The following RELN variants were observed in gnomAD, a reference collection of about 807,000 sequenced individuals.
RELN encodes reelin.
In RELN, 108 loss-of-function variants were observed where a neutral mutation model predicts 427.6. That is an observed-to-expected ratio of 0.25 (90% CI 0.22 to 0.30). RELN has a LOEUF of 0.30. RELN is among the 10% of genes least tolerant of loss of function. The pLI, the probability that RELN is intolerant of heterozygous loss-of-function variation, is 1.00. For synonymous variants in RELN, 1,524 were observed against 1,513.4 expected, an observed-to-expected ratio of 1.01 and a Z score of -0.16; for missense variants, 3,715 against 4,302.8, an observed-to-expected ratio of 0.86 and a Z score of 3.82.
chr7:103,474,856 G>T (rs1827978770), intron 64 of RELN, among the ~76,000 whole-genome samples: 3 of 149,830 alleles, frequency 2.0e-5, no homozygotes, highest in Non-Finnish European at 4.4e-5. Flanking sequence ...TACTAAGAAA[G>T]TATAACTGAA....
intron 31 of RELN, among the ~76,000 whole-genome samples, chr7:103,567,803 A>G (rs188696899): frequency 1.7e-4 from 25 of 149,956 alleles, no homozygotes; most frequent in Non-Finnish European, 2.8e-4. Context: ...ATATATATAT[A>G]TATTTTAATT....
Position 103,610,762 on chromosome 7 carries a change from T to G in RELN, c.2941A>C (p.Ser981Arg), listed in dbSNP as rs765275144. Residue 981 changes from serine (S) to arginine (R), a missense_variant, in exon 22 of 65, where the codon AGT (serine) becomes CGT (arginine). Coordinates refer to ENST00000428762, the MANE Select transcript of RELN (RefSeq NM_005045.4). ...GTAAACTCACTGGCATGGTAAATAC[T>G]TGCTGATGTAAATTCCTGACAACTT... ...MPSCQEFTSASIYHASEFTQW... is the reference protein window; with the variant it reads ...MPSCQEFTSARIYHASEFTQW... 6.2e-7 allele frequency: 1 copy of G among 1,612,534 alleles called. No homozygotes were observed. Among genetic ancestry groups the G allele is most frequent in the Non-Finnish European group, 8.5e-7 (1 of 1,178,704 alleles).
At position 103,723,145 on chromosome 7, in the gene RELN, GA is replaced by G; in HGVS notation, c.799del (p.Ser267ProfsTer31). ...AACTGCTAAAAAACACTTACCAATG[GA>G]AAATTGGAGGACAGAAGCTGTTGTT... The part of the protein sequence containing the change: ...NTTTASVLQF[S>X]IGSGSCRFSY... On this transcript the variant is annotated frameshift_variant, in exon 8 of 65. Coordinates refer to ENST00000428762, the MANE Select transcript of RELN (RefSeq NM_005045.4). LOFTEE classifies it high-confidence loss of function. The G allele has an allele frequency of 1.3e-6, 2 of 1,592,832 alleles. No individual in the cohort carries two copies. Among genetic ancestry groups the G allele is most frequent in the Non-Finnish European group, 1.7e-6 (2 of 1,161,060 alleles).
In RELN at chr7:103,494,510, G is replaced by A. The variant is rs115782842; in HGVS notation, c.9369+1213C>T. 5.6e-3 allele frequency among the ~76,000 whole-genome samples: 847 copies of A among 150,348 alleles called. 10 individuals are homozygous for A. The highest frequency in any genetic ancestry group is 0.017 in the African/African-American group (677 of 40,702). On this transcript the variant is annotated intron_variant, in intron 57 of 64. Coordinates refer to ENST00000428762, the MANE Select transcript of RELN (RefSeq NM_005045.4). The stretch of plus-strand genomic sequence containing the variant: ...GTGCCTCAGCTTCCTGAGCAGCTAG[G>A]ACTACAAGTACATGCCACCACGCCC...
rs1229042956 is a variant in RELN, at chr7:103,569,507, A to G, written c.4588+2677T>C. Among the ~76,000 whole-genome samples, 1 of 152,214 alleles carries G rather than the reference A, an allele frequency of 6.6e-6. No individual in the cohort carries two copies. The highest frequency in any genetic ancestry group is 1.5e-5 in the Non-Finnish European group (1 of 68,040). On this transcript the variant is annotated intron_variant, in intron 31 of 64. Coordinates refer to ENST00000428762, the MANE Select transcript of RELN (RefSeq NM_005045.4). This position sits in a 1 kb window ranked among gnomAD's most constrained non-coding sequence, Gnocchi z 4.0. ...TGTAGCATACCACTCCAATCCTACT[A>G]AATCTAAATTTGCATTTTAACAAGG...
chr7:103,667,900 G>A (rs1390495232), intron 11 of RELN, among the ~76,000 whole-genome samples: 1 of 152,110 alleles, frequency 6.6e-6, no homozygotes, highest in Non-Finnish European at 1.5e-5. Context: ...CACACATTTG[G>A]CAACAGATAT....
intron 50 of RELN, chr7:103,513,185 A>G (rs1195457151): frequency 6.6e-6 from 1 of 152,214 alleles, no homozygotes; most frequent in Non-Finnish European, 1.5e-5. Context: ...TCCTGATGAA[A>G]GAGGGCTTGC....
intron 22 of RELN, among the ~76,000 whole-genome samples, chr7:103,609,760 GAGA>G (rs1227636529): frequency 6.6e-6 from 1 of 152,074 alleles, no homozygotes; most frequent in Non-Finnish European, 1.5e-5. Context: ...AAAATAATCT[GAGA>G]AGGTTTATTT....
At chr7:103,544,488 G>A (rs1830246389) in intron 42 of RELN, among the ~76,000 whole-genome samples, 2 of 151,968 alleles carry the variant, frequency 1.3e-5, no homozygotes, top group Admixed American at 1.3e-4. Flanking sequence ...GCCTCCCAAG[G>A]TGCTGGGATT....
At chr7:103,759,733 T>G (rs568933581) in intron 4 of RELN, among the ~76,000 whole-genome samples, 1 of 152,300 alleles carries the variant, frequency 6.6e-6, no homozygotes, top group East Asian at 1.9e-4. Flanking sequence ...TGCTTGTCAT[T>G]AGACAGACTT....
At chr7:103,832,541 G>C (rs1363529557) in intron 3 of RELN, among the ~76,000 whole-genome samples, 1 of 152,144 alleles carries the variant, frequency 6.6e-6, no homozygotes, top group Non-Finnish European at 1.5e-5. Context: ...TCACGCATTC[G>C]AAGTTTAAAA....
intron 8 of RELN, among the ~76,000 whole-genome samples, chr7:103,719,136 C>A (rs1790012369): frequency 6.6e-6 from 1 of 152,104 alleles, no homozygotes; most frequent in Admixed American, 6.6e-5. Flanking sequence ...TAACATTTAT[C>A]CCTCTATTAA....
chr7:103,542,761 A>G lies in RELN; in HGVS notation c.6641T>C (p.Met2214Thr). The G allele has an allele frequency of 6.2e-7, 1 of 1,614,164 alleles. No homozygotes were observed. The highest frequency in any genetic ancestry group is 1.1e-5 in the South Asian group (1 of 91,082). Residue 2214 changes from methionine to threonine, a missense_variant, in exon 43 of 65, where the codon ATG (methionine) becomes ACG (threonine). Physicochemically the swap from Met to Thr is moderately conservative, Grantham distance 81. Transcript: ENST00000428762. Reference sequence around the variant, plus strand: ...ATGTGATAAATCCAGGTCTCGTGTCATCAACATGCGCAAGCCATCTTCATT... The same window carrying G: ...ATGTGATAAATCCAGGTCTCGTGTCGTCAACATGCGCAAGCCATCTTCATT... ...FFNEDGLRML[M>T]TRDLDLSHAR...
At chr7:103,744,325 T>C (rs879487950) in intron 6 of RELN, among the ~76,000 whole-genome samples, 263 of 151,796 alleles carry the variant, frequency 1.7e-3, no homozygotes, top group East Asian at 6.0e-3. Flanking sequence ...AGATCCAAAA[T>C]TGACACCCTA....
chr7:103,906,867 A>G (rs779987585), intron 2 of RELN, among the ~76,000 whole-genome samples: 3 of 152,174 alleles, frequency 2.0e-5, no homozygotes, highest in Admixed American at 1.3e-4. Flanking sequence ...GAACAGGCTA[A>G]GCAATTTTAA....
intron 24 of RELN, among the ~76,000 whole-genome samples, chr7:103,600,901 C>G (rs144360186): frequency 1.3e-5 from 2 of 152,084 alleles, no homozygotes; most frequent in East Asian, 3.8e-4. Flanking sequence ...TTTCTGTGTT[C>G]CCAACATTAT....
At chr7:103,590,858 T>C (rs1465502053) in intron 27 of RELN, among the ~76,000 whole-genome samples, 1 of 152,230 alleles carries the variant, frequency 6.6e-6, no homozygotes, top group Admixed American at 6.5e-5. Context: ...GTTGAAGTTA[T>C]TACACATCTA....
At chr7:103,509,942 C>G (rs533277738) in intron 51 of RELN, among the ~76,000 whole-genome samples, 57 of 152,284 alleles carry the variant, frequency 3.7e-4, no homozygotes, top group African/African-American at 1.3e-3. Context: ...CATTGAGATA[C>G]CATCTCACAC....
intron 12 of RELN, 138 bp downstream of exon 12, chr7:103,661,238 T>C: frequency 1.1e-6 from 1 of 944,894 alleles, no homozygotes; most frequent in Non-Finnish European, 1.7e-6. Context: ...TACCACAGGC[T>C]TCTGCTCTGT....
Sources: gnomAD v4.1 joint callset for allele counts (sites outside exome capture counted in the v4.1 genomes callset) on GRCh38, gnomAD v4.1.1 for gene constraint, Gnocchi (gnomAD v3.1) non-coding constraint, MANE v1.5 for transcripts, NCBI Gene and HGNC (gene_info 2026-07-23, HGNC 2026-07-21) for gene names.